DACH1: variants seen among roughly 807,000 people sequenced by gnomAD.
The protein encoded by DACH1 is dachshund homolog 1.
A neutral mutation model predicts 54.2 loss-of-function variants in DACH1; 12 were observed. The observed-to-expected ratio is 0.22, with a 90% CI of 0.14 to 0.36. The LOEUF (loss-of-function observed/expected upper bound fraction) is 0.36. Ranked by LOEUF, DACH1 falls within the 10% of genes least tolerant of loss-of-function variation. The pLI is 1.00. For synonymous variants in DACH1, 386 were observed against 366.2 expected, an observed-to-expected ratio of 1.05 and a Z score of -0.62; for missense variants, 805 against 929.8, an observed-to-expected ratio of 0.87 and a Z score of 1.75.
At chr13:71,518,170 T>C (rs2138273641) in intron 6 of DACH1, among the ~76,000 whole-genome samples, 1 of 151,928 alleles carries the variant, frequency 6.6e-6, no homozygotes, top group African/African-American at 2.4e-5. Flanking sequence ...AGATAGAACC[T>C]TGAAAGATGT....
intron 1 of DACH1, among the ~76,000 whole-genome samples, chr13:71,829,126 T>C (rs1392939052): frequency 1.3e-5 from 2 of 152,004 alleles, no homozygotes; most frequent in Non-Finnish European, 2.9e-5. Context: ...ATAAAATTTC[T>C]TTAGACTGGG....
At chr13:71,857,166 A>G in intron 1 of DACH1, among the ~76,000 whole-genome samples, 1 of 151,910 alleles carries the variant, frequency 6.6e-6, no homozygotes, top group South Asian at 2.1e-4. Flanking sequence ...TTAAACAGAG[A>G]ATTTAAAGTA....
At chr13:71,862,871 T>C (rs1874446543) in intron 1 of DACH1, among the ~76,000 whole-genome samples, 1 of 152,096 alleles carries the variant, frequency 6.6e-6, no homozygotes, top group African/African-American at 2.4e-5. Flanking sequence ...AGATTTGATG[T>C]TTCTCATTGT....
chr13:71,598,000 A>C (rs1264207550), intron 3 of DACH1, among the ~76,000 whole-genome samples: 3 of 150,898 alleles, frequency 2.0e-5, no homozygotes, highest in African/African-American at 7.3e-5. Context: ...GGATTGCTTG[A>C]GCCTGGGAGG....
intron 4 of DACH1, among the ~76,000 whole-genome samples, chr13:71,561,160 G>C (rs868544797): frequency 1.3e-5 from 2 of 152,092 alleles, no homozygotes; most frequent in Admixed American, 1.3e-4. Context: ...CACCATGATG[G>C]TTTGAAATCC....
At position 71,866,883 on chromosome 13, in the gene DACH1, C is replaced by T. The variant is rs563075366; in HGVS notation, c.-114G>A. 1.5e-5 allele frequency: 12 copies of T among 779,492 alleles called. No homozygotes were observed. The African/African-American group carries it at 2.2e-4, about 15-fold the overall frequency. The allele number at this position is 779,492 out of a possible 1,614,324, so 48.3% of individuals were successfully genotyped here. A position where few individuals can be genotyped will look rare whatever the true frequency, so the allele number is the denominator to read the frequency against. On this transcript the variant is annotated 5_prime_UTR_variant, in exon 1 of 11. Transcript: ENST00000613252. Reference sequence around the variant, plus strand: ...GAAGGAGCGAGGGGGGCAACAACAACTCCGGGAGAGAACGAGAAGGAGAAA... The same window carrying T: ...GAAGGAGCGAGGGGGGCAACAACAATTCCGGGAGAGAACGAGAAGGAGAAA...
intron 6 of DACH1, among the ~76,000 whole-genome samples, chr13:71,494,820 T>C (rs1352351039): frequency 6.6e-6 from 1 of 151,742 alleles, no homozygotes; most frequent in Non-Finnish European, 1.5e-5. Flanking sequence ...GAGAAGAAAA[T>C]GTTTAAAAAT....
At chr13:71,506,153 T>C (rs1332947971) in intron 6 of DACH1, among the ~76,000 whole-genome samples, 2 of 152,102 alleles carry the variant, frequency 1.3e-5, no homozygotes, top group African/African-American at 2.4e-5. Context: ...TTTTTTATTA[T>C]ACTTTAAGTT....
At chr13:71,806,638 C>A (rs1462444320) in intron 1 of DACH1, among the ~76,000 whole-genome samples, 1 of 152,128 alleles carries the variant, frequency 6.6e-6, no homozygotes, top group Non-Finnish European at 1.5e-5. Context: ...TTATTTAAAT[C>A]TAAGCAGTGT....
chr13:71,706,417 TATTTGCAAATATTCAG>T (rs1358321641), intron 1 of DACH1, among the ~76,000 whole-genome samples: 1 of 152,052 alleles, frequency 6.6e-6, no homozygotes, highest in African/African-American at 2.4e-5. Flanking sequence ...AAAGATAGCA[TATTTGCAAATATTCAG>T]ATTTGAAATA....
intron 4 of DACH1, among the ~76,000 whole-genome samples, chr13:71,567,786 C>T (rs887606327): frequency 2.6e-5 from 4 of 151,906 alleles, no homozygotes; most frequent in Non-Finnish European, 5.9e-5. Flanking sequence ...GAACACATGC[C>T]TTAAATCACT....
chr13:71,733,702 A>G (rs1292090569), intron 1 of DACH1, among the ~76,000 whole-genome samples: 2 of 152,124 alleles, frequency 1.3e-5, no homozygotes, highest in Admixed American at 1.3e-4. Context: ...TTGCAATTTC[A>G]CATCATAAGG....
At chr13:71,593,141 T>C (rs917479475) in intron 3 of DACH1, among the ~76,000 whole-genome samples, 10 of 152,114 alleles carry the variant, frequency 6.6e-5, no homozygotes, top group Admixed American at 3.3e-4. Context: ...TAAAAGGCAC[T>C]GGGGATTTAT....
intron 1 of DACH1, among the ~76,000 whole-genome samples, chr13:71,727,780 T>C (rs1258593784): frequency 2.6e-5 from 4 of 152,064 alleles, no homozygotes; most frequent in Non-Finnish European, 4.4e-5. Context: ...ATATAAAAAA[T>C]GGAGTTCACT....
chr13:71,732,364 C>G (rs1304577596), intron 1 of DACH1, among the ~76,000 whole-genome samples: 1 of 152,008 alleles, frequency 6.6e-6, no homozygotes, highest in Non-Finnish European at 1.5e-5. Flanking sequence ...GCGGATGAAT[C>G]TCCTGAGCTC....
chr13:71,830,423 A>G (rs962204702), intron 1 of DACH1, among the ~76,000 whole-genome samples: 1 of 151,908 alleles, frequency 6.6e-6, no homozygotes, highest in Non-Finnish European at 1.5e-5. Context: ...ACTTGTCTGG[A>G]TATTGATCAT....
At chr13:71,864,180 TACACACACAC>T (rs55651625) in intron 1 of DACH1, among the ~76,000 whole-genome samples, 49 of 108,510 alleles carry the variant, frequency 4.5e-4, no homozygotes, top group Middle Eastern at 4.7e-3. Flanking sequence ...CGCGCGCACA[TACACACACAC>T]ACACACACAC....
chr13:71,492,132 T>C (rs1879030851), intron 6 of DACH1, among the ~76,000 whole-genome samples: 1 of 152,184 alleles, frequency 6.6e-6, no homozygotes, highest in Admixed American at 6.6e-5. Context: ...AATAATTGTA[T>C]ACTTACAGAA....
chr13:71,754,116 T>C (rs1885042727), intron 1 of DACH1, among the ~76,000 whole-genome samples: 2 of 152,172 alleles, frequency 1.3e-5, no homozygotes, highest in Non-Finnish European at 2.9e-5. Context: ...CTTTTTTTCA[T>C]ATCCTGTTTC....
Sources: allele counts gnomAD v4.1 joint callset (sites outside exome capture counted in the v4.1 genomes callset), GRCh38; gene constraint gnomAD v4.1.1; transcripts MANE v1.5; gene names NCBI Gene and HGNC (gene_info 2026-07-23, HGNC 2026-07-21).